The following TRPC6 variants were observed in gnomAD, a reference collection of about 807,000 sequenced individuals.
The protein encoded by TRPC6 is transient receptor potential cation channel subfamily C member 6.
In TRPC6, 55 loss-of-function variants were observed where a neutral mutation model predicts 90.7. That is an observed-to-expected ratio of 0.61 (90% CI 0.49 to 0.76). The LOEUF is 0.76. TRPC6 is among the 30% of genes least tolerant of loss of function. TRPC6 has a pLI of 0.00. For missense variants in TRPC6, 989 were observed against 1,122.7 expected, an observed-to-expected ratio of 0.88 and a Z score of 1.70; for synonymous variants, 393 against 393.0, an observed-to-expected ratio of 1.00 and a Z score of 0.00.
intron 4 of TRPC6, 123 bp from the exon 5 acceptor site, chr11:101,483,288 AT>A: frequency 8.5e-7 from 1 of 1,171,554 alleles, no homozygotes; most frequent in Non-Finnish European, 1.2e-6. Flanking sequence ...AATTGTTTAT[AT>A]TTATGTAATT....
In TRPC6 at chr11:101,452,805, GAT is replaced by G; in HGVS notation, c.*148_*149del. On this transcript the variant is annotated 3_prime_UTR_variant, in exon 13 of 13. Transcript: ENST00000344327. ...TGGAGTTTAATCACCAAAAAAATTA[GAT>G]ACTAGGGCTCCAGATGATAGGATGG... 3.6e-6 allele frequency: 3 copies of G among 839,098 alleles called. No homozygotes were observed. Among genetic ancestry groups the G allele is most frequent in the Non-Finnish European group, 5.6e-6 (3 of 536,008 alleles). 52.0% of individuals were successfully genotyped at this position (839,098 alleles called of 1,614,324 possible).
intron 1 of TRPC6, among the ~76,000 whole-genome samples, chr11:101,514,434 G>A (rs1426142371): frequency 6.6e-6 from 1 of 152,162 alleles, no homozygotes. Flanking sequence ...ATGAAGGAGA[G>A]TTAGCTGAGA....
intron 1 of TRPC6, among the ~76,000 whole-genome samples, chr11:101,577,409 G>A (rs892380111): frequency 6.6e-6 from 1 of 152,176 alleles, no homozygotes; most frequent in African/African-American, 2.4e-5. Context: ...TGCCCCTTTG[G>A]GGTCAGAGAG....
At chr11:101,562,639 G>T (rs1046191264) in intron 1 of TRPC6, among the ~76,000 whole-genome samples, 2 of 152,144 alleles carry the variant, frequency 1.3e-5, no homozygotes, top group Non-Finnish European at 1.5e-5. Flanking sequence ...GCTACCTACT[G>T]TTGTGAGCTG....
intron 1 of TRPC6, among the ~76,000 whole-genome samples, chr11:101,573,975 G>C (rs1402115846): frequency 1.0e-5 from 1 of 97,838 alleles, no homozygotes; most frequent in African/African-American, 3.3e-5. Flanking sequence ...TGTGTGTTGA[G>C]AAGGGTGGAG....
chr11:101,546,501 T>G (rs1861311009), intron 1 of TRPC6, among the ~76,000 whole-genome samples: 1 of 152,172 alleles, frequency 6.6e-6, no homozygotes, highest in African/African-American at 2.4e-5. Flanking sequence ...AATGAGTGAA[T>G]GAAGTGACCA....
chr11:101,535,400 T>A (rs1056446846), intron 1 of TRPC6, among the ~76,000 whole-genome samples: 40 of 152,186 alleles, frequency 2.6e-4, no homozygotes, highest in African/African-American at 6.7e-4. Flanking sequence ...ATTATTATTT[T>A]TTTTTTTTGC....
At position 101,583,314 on chromosome 11, in the gene TRPC6, C is replaced by T. The variant is rs1472199534; in HGVS notation, c.170+20G>A. On this transcript the variant is annotated intron_variant, in intron 1 of 12. Coordinates refer to ENST00000344327, the MANE Select transcript of TRPC6 (RefSeq NM_004621.6). Reference sequence around the variant, plus strand: ...TCCGCGCAGCCCGCGCCCGATCCGCCCCGCGTCGCCGGCACTCACAAGCAG... The same window carrying T: ...TCCGCGCAGCCCGCGCCCGATCCGCTCCGCGTCGCCGGCACTCACAAGCAG... 3 of 1,565,400 alleles carry T rather than the reference C, an allele frequency of 1.9e-6. No homozygotes were observed. Among genetic ancestry groups the T allele is most frequent in the South Asian group, 1.2e-5 (1 of 86,058 alleles).
At chr11:101,578,040 A>C (rs117770900) in intron 1 of TRPC6, among the ~76,000 whole-genome samples, 2 of 152,334 alleles carry the variant, frequency 1.3e-5, no homozygotes, top group East Asian at 3.9e-4. Context: ...TTATTTGAAT[A>C]AATATCAAGG....
At chr11:101,579,964 T>A (rs1862158369) in intron 1 of TRPC6, among the ~76,000 whole-genome samples, 1 of 152,172 alleles carries the variant, frequency 6.6e-6, no homozygotes, top group Non-Finnish European at 1.5e-5. Flanking sequence ...ATGTCTTTGT[T>A]CTTAGCACAT....
chr11:101,493,346 C>A (rs1296429644), intron 2 of TRPC6, among the ~76,000 whole-genome samples: 1 of 152,134 alleles, frequency 6.6e-6, no homozygotes, highest in Admixed American at 6.5e-5. Context: ...GGCCTCATGT[C>A]CAACCCACAT....
intron 2 of TRPC6, among the ~76,000 whole-genome samples, chr11:101,495,184 G>T (rs1284077576): frequency 6.6e-6 from 1 of 152,082 alleles, no homozygotes; most frequent in Non-Finnish European, 1.5e-5. Context: ...ACTCACAGTG[G>T]GCTAATGAAA....
intron 1 of TRPC6, among the ~76,000 whole-genome samples, chr11:101,556,546 G>C (rs1044709911): frequency 2.0e-5 from 3 of 152,096 alleles, no homozygotes; most frequent in Non-Finnish European, 4.4e-5. Flanking sequence ...CAAGTAAGGA[G>C]ATTGAATAAA....
At chr11:101,505,652 C>T (rs1255521815) in intron 1 of TRPC6, among the ~76,000 whole-genome samples, 1 of 152,000 alleles carries the variant, frequency 6.6e-6, no homozygotes, top group Non-Finnish European at 1.5e-5. Context: ...TAGGAAAAAA[C>T]ACTTCTATGG....
rs77085349 is a variant in TRPC6, at chr11:101,488,020, A to G, written c.1293+917T>C. On this transcript the variant is annotated intron_variant, in intron 4 of 12. Coordinates refer to ENST00000344327, the MANE Select transcript of TRPC6 (RefSeq NM_004621.6). ...GCCCACATATTACGAATGTTTGAAAATGAATCATGCCCATGTTTAAGCACT... is the reference window on the plus strand; with the variant it reads ...GCCCACATATTACGAATGTTTGAAAGTGAATCATGCCCATGTTTAAGCACT... Among the ~76,000 whole-genome samples the G allele has an allele frequency of 3.4e-3, 521 of 152,322 alleles. 3 individuals carry two copies. Among genetic ancestry groups the G allele is most frequent in the African/African-American group, 0.011 (470 of 41,588 alleles).
At chr11:101,486,595 T>C (rs370435658) in intron 4 of TRPC6, among the ~76,000 whole-genome samples, 2 of 152,200 alleles carry the variant, frequency 1.3e-5, no homozygotes, top group South Asian at 2.1e-4. Flanking sequence ...TGGATTACAG[T>C]AGAAGAAAGA....
intron 2 of TRPC6, among the ~76,000 whole-genome samples, chr11:101,497,580 T>G (rs1306209278): frequency 1.3e-5 from 2 of 152,172 alleles, no homozygotes; most frequent in Admixed American, 6.5e-5. Flanking sequence ...CATGTGCACA[T>G]GCATGAGCAG....
rs1195587433 is a variant in TRPC6 at position 101,453,712 on chromosome 11, C to CTTTT, written c.2578_2581dup (p.Arg861LysfsTer5). ...CTGCAGTACATATCTTTTAATGAGC[C>CTTTT]TTTTCATTATTTTCTAGAAAACAGA... On this transcript the variant is annotated frameshift_variant, in exon 12 of 13. Transcript: ENST00000344327. LOFTEE classifies it high-confidence loss of function. 6.2e-7 allele frequency: 1 copy of CTTTT among 1,613,398 alleles called. No individual in the cohort carries two copies. The highest frequency in any genetic ancestry group is 1.3e-5 in the African/African-American group (1 of 74,890).
chr11:101,524,394 G>A (rs1286541654), intron 1 of TRPC6, among the ~76,000 whole-genome samples: 3 of 152,028 alleles, frequency 2.0e-5, no homozygotes, highest in Non-Finnish European at 2.9e-5. Context: ...GACTACAGGC[G>A]CCTGCCACCA....
Sources: allele counts gnomAD v4.1 joint callset (sites outside exome capture counted in the v4.1 genomes callset), GRCh38; gene constraint gnomAD v4.1.1; transcripts MANE v1.5; gene names NCBI Gene and HGNC (gene_info 2026-07-23, HGNC 2026-07-21).